The following DPP6 variants were observed in gnomAD, a reference collection of about 807,000 sequenced individuals.
DPP6 encodes the protein dipeptidyl peptidase like 6, also known as A-type potassium channel modulatory protein DPP6.
In DPP6, 69 loss-of-function variants were observed where a neutral mutation model predicts 122.6. The observed-to-expected ratio is 0.56, with a 90% CI of 0.46 to 0.69. The LOEUF (loss-of-function observed/expected upper bound fraction) is 0.69, where lower values mean the gene tolerates loss of function less well. DPP6 is among the 30% of genes least tolerant of loss of function. The pLI, the probability that DPP6 is intolerant of heterozygous loss-of-function variation, is 0.00. For synonymous variants in DPP6, 418 were observed against 433.1 expected, an observed-to-expected ratio of 0.97 and a Z score of 0.43; for missense variants, 928 against 1,116.9, an observed-to-expected ratio of 0.83 and a Z score of 2.41.
At chr7:153,764,515 G>A in the DPP6 span, among the ~76,000 whole-genome samples, 4 of 151,756 alleles carry the variant, frequency 2.6e-5, no homozygotes, top group Admixed American at 6.6e-5. Flanking sequence ...AGGATACAGC[G>A]TCACATGGTG....
the DPP6 span, among the ~76,000 whole-genome samples, chr7:153,871,296 C>T: frequency 3.3e-5 from 5 of 152,218 alleles, no homozygotes; most frequent in African/African-American, 1.2e-4. Flanking sequence ...TGGTGGGCTC[C>T]ACGCAGTTTG....
the DPP6 span, among the ~76,000 whole-genome samples, chr7:153,784,347 T>C: frequency 3.3e-5 from 5 of 152,258 alleles, no homozygotes; most frequent in African/African-American, 4.8e-5. Context: ...CGGAATCACA[T>C]GATAGTTAAA....
At chr7:153,889,260 T>G (rs948571005) in intron 1 of DPP6, among the ~76,000 whole-genome samples, 2 of 152,208 alleles carry the variant, frequency 1.3e-5, no homozygotes, top group Middle Eastern at 3.2e-3. Context: ...TCTGCTTCCC[T>G]CATTTTTCCC....
chr7:154,348,784 GT>G (rs1217339956), intron 1 of DPP6, among the ~76,000 whole-genome samples: 1 of 152,196 alleles, frequency 6.6e-6, no homozygotes, highest in Non-Finnish European at 1.5e-5. Flanking sequence ...TAAAATCACA[GT>G]TTCAGGAAGG....
intron 1 of DPP6, among the ~76,000 whole-genome samples, chr7:153,907,878 G>A (rs1487861339): frequency 2.6e-5 from 4 of 152,082 alleles, no homozygotes; most frequent in Non-Finnish European, 4.4e-5. Flanking sequence ...TCCTGGGAAC[G>A]CTGACTGATA....
intron 20 of DPP6, among the ~76,000 whole-genome samples, chr7:154,879,705 TCA>T (rs1805216650): frequency 6.6e-6 from 1 of 151,972 alleles, no homozygotes; most frequent in Non-Finnish European, 1.5e-5. Context: ...TGAGCCACGA[TCA>T]CGCCACTGCA....
At chr7:154,136,213 A>G (rs1319217050) in intron 1 of DPP6, among the ~76,000 whole-genome samples, 3 of 152,032 alleles carry the variant, frequency 2.0e-5, no homozygotes, top group African/African-American at 7.2e-5. Context: ...CTTACATAGA[A>G]GGATTGTTGT....
chr7:154,521,496 G>A (rs1166144504), intron 3 of DPP6, among the ~76,000 whole-genome samples: 1 of 151,910 alleles, frequency 6.6e-6, no homozygotes, highest in African/African-American at 2.4e-5. Context: ...CTCTGTTAAG[G>A]CACATAAAAA....
intron 21 of DPP6, among the ~76,000 whole-genome samples, chr7:154,883,400 AC>A (rs2150679556): frequency 8.3e-6 from 1 of 120,556 alleles, no homozygotes; most frequent in Non-Finnish European, 1.8e-5. Flanking sequence ...ACACACACAC[AC>A]ATGCTCACCC....
At chr7:154,104,397 G>A (rs1017386237) in intron 1 of DPP6, among the ~76,000 whole-genome samples, 6 of 152,230 alleles carry the variant, frequency 3.9e-5, no homozygotes, top group African/African-American at 1.2e-4. Flanking sequence ...GGCTGGGGAG[G>A]ACTAATGGGC....
intron 4 of DPP6, among the ~76,000 whole-genome samples, chr7:154,563,640 A>G (rs757484474): frequency 5.3e-5 from 8 of 152,122 alleles, no homozygotes; most frequent in Non-Finnish European, 1.5e-5. Context: ...GGAAAGAGAA[A>G]AGATAGCCAA....
At chr7:154,254,848 A>C (rs956777652) in intron 1 of DPP6, among the ~76,000 whole-genome samples, 4 of 152,190 alleles carry the variant, frequency 2.6e-5, no homozygotes, top group Non-Finnish European at 5.9e-5. Flanking sequence ...GTTCAATTGC[A>C]AGATTCAAAG....
At chr7:153,879,764 A>G in the DPP6 span, among the ~76,000 whole-genome samples, 1 of 152,150 alleles carries the variant, frequency 6.6e-6, no homozygotes, top group Non-Finnish European at 1.5e-5. Context: ...GAATTCCTAT[A>G]TTTAATAGTG....
intron 13 of DPP6, among the ~76,000 whole-genome samples, 182 bp from the exon 14 acceptor site, chr7:154,803,682 T>C (rs1265776810): frequency 6.6e-6 from 1 of 152,104 alleles, no homozygotes; most frequent in Non-Finnish European, 1.5e-5. Flanking sequence ...TGGGGTTGGT[T>C]GGGAAGCCTC....
chr7:154,077,908 A>G (rs1475849833), intron 1 of DPP6, among the ~76,000 whole-genome samples: 1 of 152,058 alleles, frequency 6.6e-6, no homozygotes, highest in Non-Finnish European at 1.5e-5. Flanking sequence ...TGACCTCATG[A>G]TCTGCCCTCC....
intron 1 of DPP6, among the ~76,000 whole-genome samples, chr7:153,978,591 A>G (rs1796425970): frequency 6.6e-6 from 1 of 151,944 alleles, no homozygotes; most frequent in South Asian, 2.1e-4. Flanking sequence ...CTTTTGTTGC[A>G]ATTGCTTTTG....
At chr7:153,764,191 A>C in the DPP6 span, among the ~76,000 whole-genome samples, 2 of 152,204 alleles carry the variant, frequency 1.3e-5, no homozygotes, top group Non-Finnish European at 2.9e-5. Context: ...GGATTCATTC[A>C]GAGAGAAACT....
chr7:154,294,914 T>TA (rs1037383769), intron 1 of DPP6, among the ~76,000 whole-genome samples: 1 of 152,064 alleles, frequency 6.6e-6, no homozygotes, highest in Non-Finnish European at 1.5e-5. Context: ...CTGGAGCCGT[T>TA]AAAAAAACAT....
intron 7 of DPP6, among the ~76,000 whole-genome samples, chr7:154,719,664 T>A (rs1256438399): frequency 6.6e-6 from 1 of 152,138 alleles, no homozygotes; most frequent in African/African-American, 2.4e-5. Flanking sequence ...CCAGCAGGCA[T>A]TGGACAGGGC....
Sources: allele counts gnomAD v4.1 joint callset (sites outside exome capture counted in the v4.1 genomes callset), GRCh38; gene constraint gnomAD v4.1.1; transcripts MANE v1.5; gene names NCBI Gene and HGNC (gene_info 2026-07-23, HGNC 2026-07-21).